DOCK5: variants seen among roughly 807,000 people sequenced by gnomAD.
DOCK5 encodes dedicator of cytokinesis protein 5.
A neutral mutation model predicts 251.8 loss-of-function variants in DOCK5; 142 were observed. The ratio of observed to expected loss-of-function variants is 0.56; its 90% CI spans 0.49 to 0.65. The LOEUF is 0.65. Among genes scored for constraint, DOCK5 ranks in the 30% least tolerant of loss-of-function variants. The pLI is 0.00. For synonymous variants in DOCK5, 842 were observed against 835.5 expected (o/e 1.01, Z -0.13); for missense variants, 2,111 against 2,312.3 (o/e 0.91, Z 1.79).
intron 13 of DOCK5, among the ~76,000 whole-genome samples, chr8:25,315,381 T>C (rs1805215994): frequency 6.6e-6 from 1 of 152,072 alleles, no homozygotes; most frequent in Admixed American, 6.5e-5. Context: ...CCTCCATTGC[T>C]AATGGTGGGT....
chr8:25,310,198 A>G lies in DOCK5; in HGVS notation c.1193-209A>G, dbSNP rs557542902. Among the ~76,000 whole-genome samples the G allele has an allele frequency of 6.4e-4, 97 of 152,148 alleles. 1 individual carries two copies. Among genetic ancestry groups the G allele is most frequent in the African/African-American group, 2.2e-3 (92 of 41,484 alleles). ...TTTACCCCTTTTTTCCCCCAAAGTT[A>G]GCATCTGTTCACATCTCTGTCAAAT... On this transcript the variant is annotated intron_variant, in intron 12 of 51. Coordinates refer to ENST00000276440, the MANE Select transcript of DOCK5 (RefSeq NM_024940.8).
At position 25,298,970 on chromosome 8, in the gene DOCK5, G is replaced by A. The variant is rs1804687157; in HGVS notation, c.633G>A (p.Arg211=). The A allele has an allele frequency of 6.2e-7, 1 of 1,612,398 alleles. No individual in the cohort carries two copies. Among genetic ancestry groups the A allele is most frequent in the Admixed American group, 1.7e-5 (1 of 59,712 alleles). ...CAATCCTGCAGAACCTCGATTTGCG[G>A]GGCCAGTCCATCTTCAGTACCATCC... ...EKSILQNLDL[R]GQSIFSTIHT... is the part of the protein sequence containing the mutation. The change falls in exon 8 of 52, where the codon CGG becomes CGA. Residue 211 remains arginine (R), a synonymous_variant. Coordinates refer to ENST00000276440, the MANE Select transcript of DOCK5 (RefSeq NM_024940.8).
chr8:25,190,807 G>A (rs1334902827), intron 1 of DOCK5, among the ~76,000 whole-genome samples: 2 of 19,710 alleles, frequency 1.0e-4, no homozygotes, highest in South Asian at 1.5e-3. Flanking sequence ...TTTTTGAGAC[G>A]GAGTCTTGCT....
chr8:25,292,128 A>G lies in DOCK5; in HGVS notation c.426A>G (p.Ala142=), dbSNP rs1347670253. Reference sequence around the variant, plus strand: ...GGACGCTCCCCAAGGATGAACTGGCAGAGCTCAAGAAGAAAGTCACAGCCA... The same window carrying G: ...GGACGCTCCCCAAGGATGAACTGGCGGAGCTCAAGAAGAAAGTCACAGCCA... ...LSGTLPKDEL[A]ELKKKVTAKI... The change falls in exon 6 of 52, where the codon GCA becomes GCG. Residue 142 remains alanine, a synonymous_variant. Transcript: ENST00000276440. The G allele has an allele frequency of 3.8e-6, 6 of 1,586,966 alleles. No individual in the cohort carries two copies. In the East Asian group the frequency reaches 6.9e-5, roughly 18 times the overall value.
chr8:25,292,099 T>G lies in DOCK5; in HGVS notation c.397T>G (p.Ser133Ala). Residue 133 changes from serine (S) to alanine (A), a missense_variant, in exon 6 of 52, where the codon TCT becomes GCT. By Grantham distance (99) the Ser-to-Ala change is moderately conservative. Coordinates refer to ENST00000276440, the MANE Select transcript of DOCK5 (RefSeq NM_024940.8). Reference sequence around the variant, plus strand: ...GATCGAGTGGCGGTCCCAGATCCTGTCTGGGACGCTCCCCAAGGATGAACT... The same window carrying G: ...GATCGAGTGGCGGTCCCAGATCCTGGCTGGGACGCTCCCCAAGGATGAACT... ...SLIEWRSQIL[S>A]GTLPKDELAE... The G allele has an allele frequency of 6.3e-7, 1 of 1,590,858 alleles. No individual in the cohort carries two copies. Among genetic ancestry groups the G allele is most frequent in the Non-Finnish European group, 8.6e-7 (1 of 1,167,658 alleles).
Position 25,411,194 on chromosome 8 carries a change from C to G in DOCK5, c.5509C>G (p.Leu1837Val), listed in dbSNP as rs1801626016. The G allele has an allele frequency of 1.3e-6, 2 of 1,563,446 alleles. No individual in the cohort carries two copies. Among genetic ancestry groups the G allele is most frequent in the South Asian group, 2.4e-5 (2 of 84,600 alleles). ...TAATTTTGTGTTTCTGCTTCTGCAG[C>G]TCGCTCCCCCACTGCCTGTCCGAAG... is the stretch of plus-strand genomic sequence containing the variant. ...YEGSQRNSTE[L>V]APPLPVRREA... Residue 1837 changes from leucine to valine, a missense_variant and splice_region_variant, in exon 52 of 52, where the codon CTC becomes GTC. By Grantham distance (32) the Leu-to-Val change is conservative. This residue lies in a region of DOCK5 where 1,717 missense variants were observed against 1,892.4 expected (regional missense o/e 0.91). Transcript: ENST00000276440.
chr8:25,363,149 A>T lies in DOCK5; in HGVS notation c.3044+8A>T, dbSNP rs750819620. On this transcript the variant is annotated splice_region_variant and intron_variant, in intron 29 of 51. Coordinates refer to ENST00000276440, the MANE Select transcript of DOCK5 (RefSeq NM_024940.8). ...GAATATGACTCAAAACAGGTGAGAC[A>T]GCCCATGGCTGGCCCTGAGGCATTT... is the stretch of plus-strand genomic sequence containing the variant. 1.2e-6 allele frequency: 2 copies of T among 1,612,820 alleles called. No individual in the cohort carries two copies. The highest frequency in any genetic ancestry group is 2.2e-5 in the South Asian group (2 of 91,062).
intron 1 of DOCK5, among the ~76,000 whole-genome samples, chr8:25,208,785 A>G (rs1413047183): frequency 2.0e-5 from 3 of 152,216 alleles, no homozygotes; most frequent in South Asian, 2.1e-4. Context: ...AGGTATGCCT[A>G]TATAGCAAAT....
At chr8:25,305,563 G>A (rs1001744258) in intron 11 of DOCK5, among the ~76,000 whole-genome samples, 1 of 152,054 alleles carries the variant, frequency 6.6e-6, no homozygotes, top group Non-Finnish European at 1.5e-5. Context: ...GAAAAAAATC[G>A]ATACAGTCTT....
chr8:25,310,168 C>G (rs1296289196), intron 12 of DOCK5, among the ~76,000 whole-genome samples: 4 of 152,064 alleles, frequency 2.6e-5, no homozygotes, highest in Non-Finnish European at 5.9e-5. Context: ...CTGGTAGGGT[C>G]TATCTTTACC....
chr8:25,232,489 T>C (rs949049397), intron 1 of DOCK5, among the ~76,000 whole-genome samples: 2 of 152,140 alleles, frequency 1.3e-5, no homozygotes, highest in Non-Finnish European at 2.9e-5. Flanking sequence ...TTTCTCACAG[T>C]TTTGGCAGCT....
chr8:25,298,283 G>T (rs947477261), intron 7 of DOCK5, among the ~76,000 whole-genome samples: 1 of 152,102 alleles, frequency 6.6e-6, no homozygotes, highest in Non-Finnish European at 1.5e-5. Context: ...AGCCTTTCTA[G>T]TGGAATATTT....
chr8:25,362,403 C>T (rs1800698931), intron 28 of DOCK5, among the ~76,000 whole-genome samples: 1 of 151,834 alleles, frequency 6.6e-6, no homozygotes, highest in African/African-American at 2.4e-5. Context: ...AAGTTCTCAT[C>T]CAGCTCTTCT....
chr8:25,303,689 C>T lies in DOCK5; in HGVS notation c.977-566C>T, dbSNP rs943582953. On this transcript the variant is annotated intron_variant, in intron 10 of 51. Coordinates refer to ENST00000276440, the MANE Select transcript of DOCK5 (RefSeq NM_024940.8). ...AGAATTTAGCAACTCGGGCGGGGCA[C>T]GATGGCTCATCCCTGTAATCCCAGC... Among the ~76,000 whole-genome samples the T allele has an allele frequency of 3.3e-5, 5 of 152,108 alleles. No homozygotes were observed. In the East Asian group the frequency reaches 5.8e-4, roughly 18 times the overall value.
rs560141064 is a variant in DOCK5, at chr8:25,273,287, C to G, written c.169-2099C>G. Among the ~76,000 whole-genome samples the G allele has an allele frequency of 3.3e-5, 5 of 152,224 alleles. No homozygotes were observed. The South Asian group carries it at 1.0e-3, about 32-fold the overall frequency. On this transcript the variant is annotated intron_variant, in intron 3 of 51. Transcript: ENST00000276440. Reference sequence around the variant, plus strand: ...ATGCCTGGCACTGCAAAGGACAGTTCCCTGTTTTGATCATTAAAAAAATTA... The same window carrying G: ...ATGCCTGGCACTGCAAAGGACAGTTGCCTGTTTTGATCATTAAAAAAATTA...
chr8:25,241,005 G>A (rs1416151031), intron 1 of DOCK5, among the ~76,000 whole-genome samples: 3 of 152,154 alleles, frequency 2.0e-5, no homozygotes, highest in Non-Finnish European at 2.9e-5. Flanking sequence ...CTTCTCTCAG[G>A]TGTGTCTCTC....
At chr8:25,195,697 AGCCT>A (rs1801706795) in intron 1 of DOCK5, among the ~76,000 whole-genome samples, 1 of 152,148 alleles carries the variant, frequency 6.6e-6, no homozygotes, top group Non-Finnish European at 1.5e-5. Flanking sequence ...GCTTAGAGAG[AGCCT>A]TCTCTGAGAA....
At chr8:25,258,095 T>A (rs1314059680) in intron 2 of DOCK5, among the ~76,000 whole-genome samples, 1 of 152,116 alleles carries the variant, frequency 6.6e-6, no homozygotes, top group Non-Finnish European at 1.5e-5. Flanking sequence ...GTTATTTCCT[T>A]CCTCTCACTG....
At chr8:25,312,739 G>A (rs1228141872) in intron 13 of DOCK5, among the ~76,000 whole-genome samples, 1 of 124,320 alleles carries the variant, frequency 8.0e-6, no homozygotes, top group Non-Finnish European at 1.6e-5. Flanking sequence ...CTCCAGCATG[G>A]CGACAGAACA....
Sources: gnomAD v4.1 joint callset for allele counts (sites outside exome capture counted in the v4.1 genomes callset) on GRCh38, gnomAD v4.1.1 for gene constraint, gnomAD v4.1.1 regional missense constraint, MANE v1.5 for transcripts, NCBI Gene and HGNC (gene_info 2026-07-23, HGNC 2026-07-21) for gene names.